CORIN: variants seen among roughly 807,000 people sequenced by gnomAD.
CORIN encodes the protein corin, serine peptidase.
A neutral mutation model predicts 125.3 loss-of-function variants in CORIN; 117 were observed. The observed-to-expected ratio is 0.93, with a 90% CI of 0.80 to 1.09. The LOEUF (loss-of-function observed/expected upper bound fraction) is 1.09, where lower values mean the gene tolerates loss of function less well. CORIN is among the 50% of genes least tolerant of loss of function. CORIN has a pLI of 0.00. For synonymous variants in CORIN, 450 were observed against 466.4 expected (o/e 0.96, Z 0.45); for missense variants, 1,253 against 1,306.7 (o/e 0.96, Z 0.63).
chr4:47,725,924 C>T (rs879784165), intron 5 of CORIN, among the ~76,000 whole-genome samples: 5 of 151,952 alleles, frequency 3.3e-5, no homozygotes, highest in Non-Finnish European at 7.4e-5. Context: ...TCAAACAACC[C>T]CCCACTCCTG....
chr4:47,810,225 T>C (rs1577943028), intron 1 of CORIN, among the ~76,000 whole-genome samples: 1 of 152,202 alleles, frequency 6.6e-6, no homozygotes, highest in East Asian at 1.9e-4. Context: ...TCTCACTCTG[T>C]CGCCCAGGCT....
chr4:47,718,809 T>C (rs907422771), intron 5 of CORIN, among the ~76,000 whole-genome samples: 6 of 152,164 alleles, frequency 3.9e-5, no homozygotes, highest in African/African-American at 1.4e-4. Context: ...GCAGAAGATG[T>C]CTATTCCTTA....
intron 3 of CORIN, among the ~76,000 whole-genome samples, chr4:47,770,396 G>A (rs1018518069): frequency 1.3e-5 from 2 of 152,222 alleles, no homozygotes; most frequent in Non-Finnish European, 2.9e-5. Context: ...AGGATGTGGA[G>A]AAAAGGGAGC....
chr4:47,622,729 AG>A (rs1259518589), intron 19 of CORIN, among the ~76,000 whole-genome samples: 1 of 152,218 alleles, frequency 6.6e-6, no homozygotes. Flanking sequence ...TCCAGCAAGA[AG>A]GAATTCTGCC....
intron 5 of CORIN, among the ~76,000 whole-genome samples, chr4:47,705,843 G>GC (rs35351289): frequency 1.3e-5 from 2 of 152,028 alleles, no homozygotes; most frequent in African/African-American, 2.4e-5. Flanking sequence ...TTTGTGAAGT[G>GC]CCCCCCGTGT....
At chr4:47,668,701 A>G (rs945266336) in intron 10 of CORIN, among the ~76,000 whole-genome samples, 1 of 152,230 alleles carries the variant, frequency 6.6e-6, no homozygotes, top group Non-Finnish European at 1.5e-5. Context: ...AACAGAACAT[A>G]TCGCATGAAT....
intron 21 of CORIN, 41 bp downstream of exon 21, chr4:47,600,173 T>C (rs375720435): frequency 9.5e-6 from 15 of 1,575,470 alleles, no homozygotes; most frequent in African/African-American, 9.5e-5. Context: ...ACTGAAGTTA[T>C]TGTTGAACTG....
At chr4:47,730,550 G>A (rs981516407) in intron 5 of CORIN, among the ~76,000 whole-genome samples, 2 of 151,618 alleles carry the variant, frequency 1.3e-5, no homozygotes, top group Non-Finnish European at 1.5e-5. Flanking sequence ...CAGACCCTGC[G>A]GTGGGGCTGG....
At chr4:47,721,095 C>T (rs1454894985) in intron 5 of CORIN, among the ~76,000 whole-genome samples, 1 of 152,056 alleles carries the variant, frequency 6.6e-6, no homozygotes, top group African/African-American at 2.4e-5. Context: ...TCAGGGTGCA[C>T]AGTGGCATTC....
chr4:47,597,517 A>AT (rs955386127), intron 21 of CORIN, among the ~76,000 whole-genome samples: 9 of 152,176 alleles, frequency 5.9e-5, no homozygotes, highest in African/African-American at 2.2e-4. Flanking sequence ...GCCTAATTGA[A>AT]TTTTTTTAAA....
intron 13 of CORIN, among the ~76,000 whole-genome samples, chr4:47,649,879 T>C (rs1271931128): frequency 2.0e-5 from 3 of 152,216 alleles, no homozygotes; most frequent in African/African-American, 7.2e-5. Flanking sequence ...ATAATGACTC[T>C]CACTCTTCTG....
rs4604030 is a variant in CORIN at position 47,763,413 on chromosome 4, C to T, written c.583G>A (p.Ala195Thr). 1.2e-6 allele frequency: 2 copies of T among 1,613,880 alleles called. No homozygotes were observed. The highest frequency in any genetic ancestry group is 1.7e-6 in the Non-Finnish European group (2 of 1,179,940). The change falls in exon 4 of 22, where the codon GCC becomes ACC. Residue 195 changes from alanine to threonine, a missense_variant. Physicochemically the swap from Ala to Thr is moderately conservative, Grantham distance 58. Coordinates refer to ENST00000273857, the MANE Select transcript of CORIN (RefSeq NM_006587.4). ...QHIMLFGCTL[A>T]FPECIIDGDD... Reference sequence around the variant, plus strand: ...CCATCAATGATGCACTCAGGGAAGGCGAGGGTACAGCCAAACAGCATGATA... The same window carrying T: ...CCATCAATGATGCACTCAGGGAAGGTGAGGGTACAGCCAAACAGCATGATA...
intron 10 of CORIN, among the ~76,000 whole-genome samples, chr4:47,668,078 C>G (rs977208759): frequency 6.6e-6 from 1 of 152,204 alleles, no homozygotes; most frequent in Non-Finnish European, 1.5e-5. Context: ...AGGGTCCTCA[C>G]CAGAACCTGA....
Position 47,744,385 on chromosome 4 carries a change from G to T in CORIN, c.799+17C>A. 6.2e-7 allele frequency: 1 copy of T among 1,606,894 alleles called. No homozygotes were observed. The highest frequency in any genetic ancestry group is 1.1e-5 in the South Asian group (1 of 90,244). ...AAATAAAATCTTCTAAAAATGAAATGAAACACAGACACCTACATTGCTTTC... is the reference window on the plus strand; with the variant it reads ...AAATAAAATCTTCTAAAAATGAAATTAAACACAGACACCTACATTGCTTTC... On this transcript the variant is annotated intron_variant, in intron 5 of 21. Coordinates refer to ENST00000273857, the MANE Select transcript of CORIN (RefSeq NM_006587.4).
At position 47,763,414 on chromosome 4, in the gene CORIN, G is replaced by A. The variant is rs753695558; in HGVS notation, c.582C>T (p.Leu194=). 31 of 1,613,956 alleles carry A rather than the reference G, an allele frequency of 1.9e-5. No homozygotes were observed. Among genetic ancestry groups the A allele is most frequent in the South Asian group, 1.5e-4 (14 of 91,062 alleles). ...CATCAATGATGCACTCAGGGAAGGCGAGGGTACAGCCAAACAGCATGATAT... is the reference window on the plus strand; with the variant it reads ...CATCAATGATGCACTCAGGGAAGGCAAGGGTACAGCCAAACAGCATGATAT... ...YQHIMLFGCT[L]AFPECIIDGD... is the part of the protein sequence containing the mutation. Residue 194 remains leucine (L), a synonymous_variant, in exon 4 of 22, where the codon CTC becomes CTT. Transcript: ENST00000273857.
At chr4:47,647,412 T>C (rs1230805616) in intron 13 of CORIN, among the ~76,000 whole-genome samples, 1 of 152,130 alleles carries the variant, frequency 6.6e-6, no homozygotes, top group Non-Finnish European at 1.5e-5. Context: ...CCATTCTTCT[T>C]AAGACTACAA....
intron 5 of CORIN, among the ~76,000 whole-genome samples, chr4:47,696,575 A>G (rs1030381946): frequency 6.6e-6 from 1 of 152,170 alleles, no homozygotes; most frequent in African/African-American, 2.4e-5. Flanking sequence ...TACACATGGG[A>G]CAGTTAATTA....
chr4:47,765,604 G>A (rs1206268459), intron 3 of CORIN, among the ~76,000 whole-genome samples: 1 of 152,120 alleles, frequency 6.6e-6, no homozygotes, highest in Non-Finnish European at 1.5e-5. Flanking sequence ...CCCCATCATC[G>A]AGAAGTACCA....
chr4:47,772,344 A>G (rs957849068), intron 3 of CORIN, among the ~76,000 whole-genome samples: 1 of 152,212 alleles, frequency 6.6e-6, no homozygotes, highest in Non-Finnish European at 1.5e-5. Context: ...TTGAGGCGCC[A>G]TTGGCGTGAA....
Sources: allele counts gnomAD v4.1 joint callset (sites outside exome capture counted in the v4.1 genomes callset), GRCh38; gene constraint gnomAD v4.1.1; transcripts MANE v1.5; gene names NCBI Gene and HGNC (gene_info 2026-07-23, HGNC 2026-07-21).